Variants in PRDM16 observed in about 807,000 individuals in gnomAD.
PRDM16 encodes the protein histone-lysine N-methyltransferase PRDM16.
Under a neutral mutation model 110.6 loss-of-function variants are expected in PRDM16, and 23 were observed. The ratio of observed to expected loss-of-function variants is 0.21; its 90% CI spans 0.15 to 0.29. The LOEUF (loss-of-function observed/expected upper bound fraction) is 0.29, where lower values mean the gene tolerates loss of function less well. PRDM16 is among the 10% of genes least tolerant of loss of function. The pLI is 1.00. For synonymous variants in PRDM16, 799 were observed against 781.8 expected, an observed-to-expected ratio of 1.02 and a Z score of -0.37; for missense variants, 1,615 against 1,794.3, an observed-to-expected ratio of 0.90 and a Z score of 1.81.
At chr1:3,071,806 A>T (rs1426522578) in intron 1 of PRDM16, among the ~76,000 whole-genome samples, 2 of 152,222 alleles carry the variant, frequency 1.3e-5, no homozygotes, top group Admixed American at 1.3e-4. Flanking sequence ...AACAGCAACC[A>T]GGCCAGTGGA....
At chr1:3,125,551 G>C (rs553040222) in intron 1 of PRDM16, among the ~76,000 whole-genome samples, 1 of 152,260 alleles carries the variant, frequency 6.6e-6, no homozygotes, top group South Asian at 2.1e-4. Flanking sequence ...TGGGGGGACC[G>C]GCCCTGCCTG....
At chr1:3,164,512 C>T (rs751617698) in intron 1 of PRDM16, among the ~76,000 whole-genome samples, 24 of 152,308 alleles carry the variant, frequency 1.6e-4, no homozygotes, top group Admixed American at 2.6e-4. Context: ...GAAACCTGCA[C>T]CCGGCCTCCC....
Position 3,242,171 on chromosome 1 carries a change from C to T in PRDM16, c.388-1916C>T, listed in dbSNP as rs941412709. Reference sequence around the variant, plus strand: ...ACGTGGGTTTGTGAGCAGGTACTGGCAGGACAGGGCGGGGAGGGCAGGGCC... The same window carrying T: ...ACGTGGGTTTGTGAGCAGGTACTGGTAGGACAGGGCGGGGAGGGCAGGGCC... On this transcript the variant is annotated intron_variant, in intron 2 of 16. Transcript: ENST00000270722. Among the ~76,000 whole-genome samples the T allele has an allele frequency of 3.3e-5, 5 of 152,168 alleles. 1 individual carries two copies. Among genetic ancestry groups the T allele is most frequent in the Non-Finnish European group, 1.5e-5 (1 of 68,040 alleles).
At chr1:3,385,510 C>A (rs948826164) in intron 4 of PRDM16, among the ~76,000 whole-genome samples, 2 of 152,178 alleles carry the variant, frequency 1.3e-5, no homozygotes, top group Non-Finnish European at 2.9e-5. Context: ...GCTCAGGGAC[C>A]CTGCCTGAGG....
intron 3 of PRDM16, among the ~76,000 whole-genome samples, chr1:3,301,968 G>C (rs1395184760): frequency 6.6e-6 from 1 of 152,186 alleles, no homozygotes; most frequent in Non-Finnish European, 1.5e-5. Flanking sequence ...AGAATTTGGA[G>C]GGCCTTTTGG....
intron 1 of PRDM16, among the ~76,000 whole-genome samples, chr1:3,085,634 G>T (rs893402922): frequency 6.6e-6 from 1 of 152,228 alleles, no homozygotes; most frequent in Admixed American, 6.5e-5. Flanking sequence ...TGGGGCTGTG[G>T]TGTCATCAAG....
At chr1:3,417,741 C>CTGT (rs1356003700) in intron 10 of PRDM16, 87 bp from the exon 11 acceptor site, 2 of 1,133,300 alleles carry the variant, frequency 1.8e-6, no homozygotes, top group East Asian at 4.7e-5. Context: ...CTAAGATATG[C>CTGT]TGTTGTACAG....
chr1:3,292,535 G>A (rs1045110770), intron 3 of PRDM16, among the ~76,000 whole-genome samples: 7 of 152,206 alleles, frequency 4.6e-5, no homozygotes, highest in Non-Finnish European at 7.3e-5. Context: ...CCTGGTGAGC[G>A]GCACCGTGAC....
chr1:3,237,868 G>T (rs1238509115), intron 2 of PRDM16: 2 of 152,348 alleles, frequency 1.3e-5, no homozygotes, highest in African/African-American at 4.8e-5. Flanking sequence ...TGCAGGTCGA[G>T]AGAAAATCAC....
chr1:3,184,404 C>T (rs1011164891), intron 1 of PRDM16, among the ~76,000 whole-genome samples: 25 of 152,082 alleles, frequency 1.6e-4, no homozygotes, highest in Non-Finnish European at 2.9e-4. Context: ...GGGCGGGGGC[C>T]GGGAGGCGAG....
At chr1:3,202,342 G>GGA (rs762992749) in intron 2 of PRDM16, among the ~76,000 whole-genome samples, 1 of 151,276 alleles carries the variant, frequency 6.6e-6, no homozygotes, top group Non-Finnish European at 1.5e-5. Context: ...TCATGCTGGG[G>GGA]GAGTCTGGGG....
intron 3 of PRDM16, among the ~76,000 whole-genome samples, chr1:3,335,456 C>G (rs773226330): frequency 6.6e-6 from 1 of 152,128 alleles, no homozygotes; most frequent in Admixed American, 6.5e-5. Flanking sequence ...GTTAGCACGT[C>G]GCATGTCCGA....
chr1:3,327,976 G>T (rs1368805510), intron 3 of PRDM16, among the ~76,000 whole-genome samples: 1 of 152,238 alleles, frequency 6.6e-6, no homozygotes, highest in Non-Finnish European at 1.5e-5. Context: ...GGAAAATGCT[G>T]GGTTTTCTCA....
chr1:3,402,714 C>G (rs1643493316), intron 5 of PRDM16, 77 bp from the exon 6 acceptor site: 1 of 1,331,542 alleles, frequency 7.5e-7, no homozygotes, highest in African/African-American at 1.4e-5. Context: ...GTGAGGGGGC[C>G]AGGTCTCCAG....
intron 3 of PRDM16, among the ~76,000 whole-genome samples, chr1:3,282,540 A>T (rs1640731411): frequency 6.6e-6 from 1 of 152,020 alleles, no homozygotes; most frequent in South Asian, 2.1e-4. Flanking sequence ...CTCCATGCAC[A>T]CCTCTCACCA....
chr1:3,187,231 TG>T (rs1218880756), intron 2 of PRDM16, among the ~76,000 whole-genome samples: 1 of 152,058 alleles, frequency 6.6e-6, no homozygotes, highest in African/African-American at 2.4e-5. Flanking sequence ...CCACAAAAAG[TG>T]CACTTCCTGG....
intron 5 of PRDM16, among the ~76,000 whole-genome samples, chr1:3,400,312 C>T (rs562591427): frequency 2.6e-5 from 4 of 152,348 alleles, no homozygotes; most frequent in East Asian, 1.9e-4. Context: ...TTCTCTTAAG[C>T]CCTGAGGACA....
rs558346224 is a variant in PRDM16, at chr1:3,436,431, T to C, written c.*2620T>C. ...AAGAGTCCTGGTTGCACGTTTTAAG[T>C]CATATATTTTCGTCCCCCTGAAAAT... On this transcript the variant is annotated 3_prime_UTR_variant, in exon 17 of 17. Transcript: ENST00000270722. 4.3e-6 allele frequency: 1 copy of C among 231,196 alleles called. No homozygotes were observed. Among genetic ancestry groups the C allele is most frequent in the African/African-American group, 2.2e-5 (1 of 45,310 alleles). 14.3% of individuals were successfully genotyped at this position (231,196 alleles called of 1,614,324 possible). A position where few individuals can be genotyped will look rare whatever the true frequency, so the allele number is the denominator to read the frequency against.
At chr1:3,340,378 A>G (rs1642247666) in intron 3 of PRDM16, among the ~76,000 whole-genome samples, 1 of 152,158 alleles carries the variant, frequency 6.6e-6, no homozygotes, top group Non-Finnish European at 1.5e-5. Flanking sequence ...GTGAGGCAGG[A>G]GCGTTTACCT....
Sources: allele counts gnomAD v4.1 joint callset (sites outside exome capture counted in the v4.1 genomes callset), GRCh38; gene constraint gnomAD v4.1.1; transcripts MANE v1.5; gene names NCBI Gene and HGNC (gene_info 2026-07-23, HGNC 2026-07-21).